Variants in LRIG1 observed in about 807,000 individuals in gnomAD.
LRIG1 encodes the protein leucine-rich repeats and immunoglobulin-like domains protein 1.
In LRIG1, 48 loss-of-function variants were observed where a neutral mutation model predicts 99.2. The observed-to-expected ratio is 0.48, with a 90% CI of 0.38 to 0.62. LRIG1 has a LOEUF of 0.62. Among genes scored for constraint, LRIG1 ranks in the 20% least tolerant of loss-of-function variants. The probability of loss-of-function intolerance (pLI) is 0.00; values close to 1 mark genes in which losing one functional copy is unlikely to be tolerated. For missense variants in LRIG1, 1,646 were observed against 1,434.4 expected, an observed-to-expected ratio of 1.15 and a Z score of -2.38; for synonymous variants, 772 against 596.1, an observed-to-expected ratio of 1.29 and a Z score of -4.30.
chr3:66,496,025 G>A (rs1701218934), intron 1 of LRIG1, among the ~76,000 whole-genome samples: 1 of 152,214 alleles, frequency 6.6e-6, no homozygotes. Flanking sequence ...CAGAGCTGGG[G>A]AGATGGGACA....
chr3:66,382,143 C>T, intron 16 of LRIG1, 130 bp downstream of exon 16: 1 of 1,036,834 alleles, frequency 9.6e-7, no homozygotes, highest in Non-Finnish European at 1.4e-6. Flanking sequence ...CTTAGTCATA[C>T]CGCCTTCTAC....
intron 12 of LRIG1, chr3:66,387,415 C>G (rs934049869): frequency 6.6e-6 from 1 of 151,966 alleles, no homozygotes; most frequent in Admixed American, 6.6e-5. Flanking sequence ...CACAAGCCGT[C>G]GGTAAAGGAT....
chr3:66,424,626 C>T (rs1702920713), intron 3 of LRIG1, among the ~76,000 whole-genome samples: 1 of 152,194 alleles, frequency 6.6e-6, no homozygotes, highest in Admixed American at 6.5e-5. Flanking sequence ...TTAATGAACA[C>T]CTATTATATA....
chr3:66,457,193 C>A (rs186864269), intron 2 of LRIG1, among the ~76,000 whole-genome samples: 1 of 152,022 alleles, frequency 6.6e-6, no homozygotes, highest in Non-Finnish European at 1.5e-5. Context: ...GAGCTGACAG[C>A]GCCTGGGCAA....
intron 1 of LRIG1, among the ~76,000 whole-genome samples, chr3:66,467,143 A>G (rs1054826858): frequency 6.6e-6 from 1 of 152,138 alleles, no homozygotes; most frequent in Non-Finnish European, 1.5e-5. Flanking sequence ...CCAGTGCACA[A>G]CAACAGTTTG....
intron 3 of LRIG1, among the ~76,000 whole-genome samples, chr3:66,432,556 C>T (rs985219160): frequency 2.0e-5 from 3 of 152,150 alleles, no homozygotes; most frequent in East Asian, 1.9e-4. Flanking sequence ...ACCCCAGAGG[C>T]GGCCACTATT....
Position 66,389,998 on chromosome 3 carries a change from T to C in LRIG1, c.1469-3697A>G, listed in dbSNP as rs551638667. ...AAATTGGGTGCCCTTTAAAGATTTT[T>C]AAAGATAATAACTAAAAAGAAGTCA... On this transcript the variant is annotated intron_variant, in intron 12 of 18. Coordinates refer to ENST00000273261, the MANE Select transcript of LRIG1 (RefSeq NM_015541.3). Among the ~76,000 whole-genome samples the C allele has an allele frequency of 8.9e-4, 135 of 152,254 alleles. 5 individuals carry two copies. The South Asian group carries it at 0.027, about 30-fold the overall frequency.
intron 3 of LRIG1, among the ~76,000 whole-genome samples, chr3:66,424,452 G>C (rs1702915528): frequency 6.6e-6 from 1 of 152,184 alleles, no homozygotes; most frequent in African/African-American, 2.4e-5. Flanking sequence ...AAACGTGTCT[G>C]CTGCCCTCGC....
intron 3 of LRIG1, among the ~76,000 whole-genome samples, chr3:66,446,246 C>T (rs567356426): frequency 6.6e-5 from 10 of 152,214 alleles, no homozygotes; most frequent in African/African-American, 2.4e-4. Flanking sequence ...CCACCCAGGG[C>T]TTCGTCCACT....
intron 1 of LRIG1, among the ~76,000 whole-genome samples, chr3:66,474,590 C>T (rs904308415): frequency 2.0e-5 from 3 of 152,178 alleles, no homozygotes; most frequent in African/African-American, 7.2e-5. Context: ...AGGTGATCCG[C>T]CCGCCTCGGC....
chr3:66,463,126 A>C (rs1700394033), intron 1 of LRIG1, among the ~76,000 whole-genome samples: 1 of 152,162 alleles, frequency 6.6e-6, no homozygotes, highest in Non-Finnish European at 1.5e-5. Flanking sequence ...TGCACGACTG[A>C]GAACTGCGCG....
intron 1 of LRIG1, among the ~76,000 whole-genome samples, chr3:66,499,479 G>A (rs1055594610): frequency 2.6e-5 from 4 of 152,114 alleles, no homozygotes; most frequent in African/African-American, 4.8e-5. Flanking sequence ...GAAGGGTCTG[G>A]AACACAGTTC....
intron 3 of LRIG1, among the ~76,000 whole-genome samples, chr3:66,424,108 C>T (rs184877553): frequency 2.8e-4 from 42 of 152,316 alleles, no homozygotes; most frequent in Admixed American, 2.7e-3. Flanking sequence ...CCTGCTCCAG[C>T]TGGAGAGTGT....
intron 16 of LRIG1, 34 bp downstream of exon 16, chr3:66,382,239 G>A: frequency 1.2e-6 from 2 of 1,612,838 alleles, no homozygotes; most frequent in Non-Finnish European, 1.7e-6. Context: ...CACAGTCACA[G>A]CAGAGCTCTG....
At position 66,454,696 on chromosome 3, in the gene LRIG1, G is replaced by A. The variant is rs546358951; in HGVS notation, c.291-3063C>T. On this transcript the variant is annotated intron_variant, in intron 2 of 18. Transcript: ENST00000273261. Reference sequence around the variant, plus strand: ...CTGGGGCTAGAGAAGGTGTAGCTAAGGTAAAAGGATTCCGGACCCCAGGGC... The same window carrying A: ...CTGGGGCTAGAGAAGGTGTAGCTAAAGTAAAAGGATTCCGGACCCCAGGGC... Among the ~76,000 whole-genome samples, 8 of 152,268 alleles carry A rather than the reference G, an allele frequency of 5.3e-5. No individual in the cohort carries two copies. In the East Asian group the frequency reaches 1.5e-3, roughly 29 times the overall value.
intron 1 of LRIG1, among the ~76,000 whole-genome samples, chr3:66,486,418 C>A (rs942377458): frequency 1.3e-5 from 2 of 152,038 alleles, no homozygotes; most frequent in Non-Finnish European, 2.9e-5. Flanking sequence ...CAACCATGGC[C>A]CCTCATAACC....
chr3:66,491,453 A>G (rs1701099929), intron 1 of LRIG1, among the ~76,000 whole-genome samples: 1 of 152,148 alleles, frequency 6.6e-6, no homozygotes, highest in African/African-American at 2.4e-5. Flanking sequence ...AGCTTGCTAA[A>G]CACCTCCTAC....
intron 3 of LRIG1, among the ~76,000 whole-genome samples, chr3:66,435,953 C>T (rs1224372056): frequency 2.0e-5 from 3 of 152,188 alleles, no homozygotes; most frequent in Non-Finnish European, 4.4e-5. Flanking sequence ...TCCTTCAAAC[C>T]AGCAGAAACT....
intron 3 of LRIG1, among the ~76,000 whole-genome samples, chr3:66,425,151 G>A (rs1007464587): frequency 6.6e-6 from 1 of 152,310 alleles, no homozygotes; most frequent in Non-Finnish European, 1.5e-5. Context: ...AAGAGGAGCC[G>A]GGATGCAAGC....
Sources: gnomAD v4.1 joint callset for allele counts (sites outside exome capture counted in the v4.1 genomes callset) on GRCh38, gnomAD v4.1.1 for gene constraint, MANE v1.5 for transcripts, NCBI Gene and HGNC (gene_info 2026-07-23, HGNC 2026-07-21) for gene names.